GTF2A1L: variants seen among roughly 807,000 people sequenced by gnomAD.
The protein encoded by GTF2A1L is general transcription factor IIA subunit 1 like.
Under a neutral mutation model 49.7 loss-of-function variants are expected in GTF2A1L, and 48 were observed. The ratio of observed to expected loss-of-function variants is 0.97; its 90% CI spans 0.77 to 1.23. The LOEUF is 1.23. Among genes scored for constraint, GTF2A1L ranks in the 50% most tolerant of loss-of-function variants. GTF2A1L has a pLI of 0.00. For synonymous variants in GTF2A1L, 246 were observed against 193.5 expected (o/e 1.27, Z -2.25); for missense variants, 736 against 564.8 (o/e 1.30, Z -3.07).
intron 3 of GTF2A1L, among the ~76,000 whole-genome samples, chr2:48,631,294 A>G (rs937305059): frequency 2.6e-5 from 4 of 152,030 alleles, no homozygotes; most frequent in African/African-American, 4.8e-5. Flanking sequence ...TACTAATTCA[A>G]TTTTGGAACT....
intron 6 of GTF2A1L, among the ~76,000 whole-genome samples, chr2:48,650,367 A>G (rs1237799452): frequency 6.6e-6 from 1 of 152,188 alleles, no homozygotes; most frequent in Non-Finnish European, 1.5e-5. Context: ...AATGAGGCTT[A>G]GTCATCAATA....
intron 6 of GTF2A1L, among the ~76,000 whole-genome samples, chr2:48,669,501 T>G (rs1377003382): frequency 6.6e-6 from 1 of 152,168 alleles, no homozygotes; most frequent in Non-Finnish European, 1.5e-5. Flanking sequence ...TGTCTCCCTG[T>G]GATTGTAAGT....
chr2:48,639,639 G>A (rs1410892976), intron 3 of GTF2A1L, among the ~76,000 whole-genome samples: 2 of 152,078 alleles, frequency 1.3e-5, no homozygotes, highest in African/African-American at 4.8e-5. Flanking sequence ...CATAGGAACA[G>A]GCAAAGATTT....
intron 5 of GTF2A1L, among the ~76,000 whole-genome samples, chr2:48,645,449 C>G (rs1025067029): frequency 2.6e-5 from 4 of 152,140 alleles, no homozygotes; most frequent in Non-Finnish European, 5.9e-5. Flanking sequence ...CCTGCTAGCT[C>G]TAATTACGGA....
intron 6 of GTF2A1L, among the ~76,000 whole-genome samples, chr2:48,653,547 C>G (rs1322236664): frequency 6.6e-6 from 1 of 152,228 alleles, no homozygotes; most frequent in Admixed American, 6.5e-5. Flanking sequence ...TGAGATTCAT[C>G]CATGTTGTTG....
At chr2:48,670,884 T>G (rs1426214367) in intron 7 of GTF2A1L, among the ~76,000 whole-genome samples, 1 of 152,088 alleles carries the variant, frequency 6.6e-6, no homozygotes, top group Non-Finnish European at 1.5e-5. Flanking sequence ...AGTGCAGTGG[T>G]GTGATCTTGA....
intron 3 of GTF2A1L, among the ~76,000 whole-genome samples, chr2:48,625,887 T>C (rs1339455553): frequency 2.8e-5 from 4 of 144,182 alleles, no homozygotes; most frequent in African/African-American, 9.9e-5. Context: ...CTGGCTTATT[T>C]ATTTTCGCTT....
chr2:48,621,641 G>C (rs1676004230), intron 3 of GTF2A1L, among the ~76,000 whole-genome samples: 1 of 152,164 alleles, frequency 6.6e-6, no homozygotes, highest in Non-Finnish European at 1.5e-5. Context: ...AAAGGTGAGT[G>C]CTTGCAAGTT....
chr2:48,644,204 A>G (rs1036821427), intron 4 of GTF2A1L, among the ~76,000 whole-genome samples: 3 of 152,128 alleles, frequency 2.0e-5, no homozygotes, highest in African/African-American at 7.2e-5. Flanking sequence ...TTATAAATAA[A>G]ATAAAGAGTT....
intron 3 of GTF2A1L, among the ~76,000 whole-genome samples, chr2:48,624,137 G>A (rs1029118301): frequency 9.4e-6 from 1 of 106,898 alleles, no homozygotes; most frequent in Non-Finnish European, 2.3e-5. Flanking sequence ...TCTCTACTTT[G>A]TTTGGTCTCA....
intron 6 of GTF2A1L, among the ~76,000 whole-genome samples, chr2:48,651,039 G>C (rs1293777816): frequency 1.3e-5 from 2 of 152,090 alleles, no homozygotes; most frequent in Non-Finnish European, 2.9e-5. Flanking sequence ...TCATTGGAGG[G>C]AAGCTTAAAT....
rs535297348 is a variant in GTF2A1L at position 48,676,911 on chromosome 2, G to A, written c.1330-2424G>A. On this transcript the variant is annotated intron_variant, in intron 8 of 8. Coordinates refer to ENST00000403751, the MANE Select transcript of GTF2A1L (RefSeq NM_006872.5). The stretch of plus-strand genomic sequence containing the variant: ...TGTCTTGGTGTATAATGTAACATAT[G>A]GTTTCAACTTTTTATTTTTTTTTTT... Among the ~76,000 whole-genome samples, 3 of 146,336 alleles carry A rather than the reference G, an allele frequency of 2.1e-5. No homozygotes were observed. The South Asian group carries it at 6.6e-4, about 32-fold the overall frequency.
In GTF2A1L at chr2:48,644,730, C is replaced by G. The variant is rs190197060; in HGVS notation, c.304-303C>G. Reference sequence around the variant, plus strand: ...ATCAGTCTTTCAAATTTTTGCAGGTCTGAGAACCAATGGCCCTGCAAAGCT... The same window carrying G: ...ATCAGTCTTTCAAATTTTTGCAGGTGTGAGAACCAATGGCCCTGCAAAGCT... On this transcript the variant is annotated intron_variant, in intron 4 of 8. Coordinates refer to ENST00000403751, the MANE Select transcript of GTF2A1L (RefSeq NM_006872.5). Among the ~76,000 whole-genome samples the G allele has an allele frequency of 1.6e-4, 24 of 152,252 alleles. No individual in the cohort carries two copies. In the East Asian group the frequency reaches 3.5e-3, roughly 22 times the overall value.
intron 4 of GTF2A1L, among the ~76,000 whole-genome samples, 166 bp from the exon 5 acceptor site, chr2:48,644,867 G>A (rs368412579): frequency 2.0e-5 from 3 of 152,180 alleles, no homozygotes; most frequent in South Asian, 2.1e-4. Flanking sequence ...TGGGATGATC[G>A]ATATTGAAAA....
In GTF2A1L at chr2:48,627,612, A is replaced by G. The variant is rs1284655411; in HGVS notation, c.247+6322A>G. ...TTAAAGTGATGGGCATGCTTAGTTT[A>G]TGTTTAAAAAAATGTCTGCCAGATA... On this transcript the variant is annotated intron_variant, in intron 3 of 8. Transcript: ENST00000403751. Among the ~76,000 whole-genome samples the G allele has an allele frequency of 2.1e-5, 3 of 144,320 alleles. 1 individual carries two copies. The highest frequency in any genetic ancestry group is 7.0e-5 in the Admixed American group (1 of 14,266). 94.7% of individuals were successfully genotyped at this position (144,320 alleles called of 152,430 possible). A position where few individuals can be genotyped will look rare whatever the true frequency, so the allele number is the denominator to read the frequency against.
chr2:48,673,359 C>CTTTTTT (rs34493140), intron 8 of GTF2A1L, among the ~76,000 whole-genome samples: 3 of 109,702 alleles, frequency 2.7e-5, no homozygotes, highest in African/African-American at 3.7e-5. Flanking sequence ...ACACAGGAAA[C>CTTTTTT]TTTTTTTTTT....
intron 8 of GTF2A1L, among the ~76,000 whole-genome samples, chr2:48,676,622 TTG>T: frequency 6.6e-6 from 1 of 151,980 alleles, no homozygotes; most frequent in South Asian, 2.1e-4. Context: ...AATGAGCTTT[TTG>T]TTATACACAG....
At chr2:48,659,980 G>T (rs1287904736) in intron 6 of GTF2A1L, among the ~76,000 whole-genome samples, 1 of 152,016 alleles carries the variant, frequency 6.6e-6, no homozygotes, top group Non-Finnish European at 1.5e-5. Context: ...TCTTTTACTT[G>T]CCTAATCATC....
At chr2:48,661,166 A>G (rs1287919389) in intron 6 of GTF2A1L, among the ~76,000 whole-genome samples, 1 of 151,086 alleles carries the variant, frequency 6.6e-6, no homozygotes, top group Non-Finnish European at 1.5e-5. Context: ...ATGTAAAGTT[A>G]AACTGTTAAT....
Sources: allele counts gnomAD v4.1 joint callset (sites outside exome capture counted in the v4.1 genomes callset), GRCh38; gene constraint gnomAD v4.1.1; transcripts MANE v1.5; gene names NCBI Gene and HGNC (gene_info 2026-07-23, HGNC 2026-07-21).